PARD3B: variants seen among roughly 807,000 people sequenced by gnomAD.
PARD3B encodes par-3 family cell polarity regulator beta, also known as partitioning defective 3 homolog B.
A neutral mutation model predicts 130.2 loss-of-function variants in PARD3B; 103 were observed. The ratio of observed to expected loss-of-function variants is 0.79; its 90% confidence interval spans 0.67 to 0.93. PARD3B has a LOEUF of 0.93. Ranked by LOEUF, PARD3B falls within the 40% of genes least tolerant of loss-of-function variation. The pLI, the probability that PARD3B is intolerant of heterozygous loss-of-function variation, is 0.00. For missense variants in PARD3B, 1,609 were observed against 1,499.2 expected (o/e 1.07, Z -1.21); for synonymous variants, 583 against 553.2 (o/e 1.05, Z -0.76).
chr2:204,872,542 T>A (rs1306336311), intron 2 of PARD3B, among the ~76,000 whole-genome samples: 1 of 152,178 alleles, frequency 6.6e-6, no homozygotes, highest in Non-Finnish European at 1.5e-5. Flanking sequence ...TGCGGTTTTC[T>A]TGACTTGTTA....
At chr2:205,193,780 A>G (rs1921801) in intron 15 of PARD3B, among the ~76,000 whole-genome samples, 116,316 of 152,144 alleles carry the variant, frequency 0.76, 44,931 homozygotes, top group East Asian at 0.97. Flanking sequence ...TGATGGATAG[A>G]GATGGCATCA....
intron 19 of PARD3B, among the ~76,000 whole-genome samples, chr2:205,417,518 A>G (rs528415474): frequency 2.0e-4 from 31 of 152,168 alleles, no homozygotes; most frequent in Non-Finnish European, 1.5e-4. Flanking sequence ...GTCTTCCACA[A>G]TGGTTGAACT....
chr2:205,286,164 G>A (rs1391477636), intron 16 of PARD3B, among the ~76,000 whole-genome samples: 1 of 151,870 alleles, frequency 6.6e-6, no homozygotes, highest in East Asian at 1.9e-4. Flanking sequence ...CTTTTTTGGG[G>A]GAGTATTAGC....
intron 3 of PARD3B, among the ~76,000 whole-genome samples, chr2:204,985,386 A>AG (rs1477518140): frequency 6.6e-6 from 1 of 152,204 alleles, no homozygotes; most frequent in Non-Finnish European, 1.5e-5. Flanking sequence ...CCAATATCAA[A>AG]GGGGAGAATG....
At chr2:204,576,861 T>C (rs1474684507) in intron 1 of PARD3B, among the ~76,000 whole-genome samples, 1 of 152,148 alleles carries the variant, frequency 6.6e-6, no homozygotes, top group Non-Finnish European at 1.5e-5. Context: ...CAATATGGAA[T>C]ACAACCATAA....
At chr2:204,756,196 G>A (rs2040663451) in intron 2 of PARD3B, among the ~76,000 whole-genome samples, 2 of 152,194 alleles carry the variant, frequency 1.3e-5, no homozygotes, top group Middle Eastern at 6.8e-3. Context: ...GGTCACACAA[G>A]ATTACCTGAA....
chr2:205,531,883 C>T (rs893796073), intron 21 of PARD3B, among the ~76,000 whole-genome samples: 5 of 152,076 alleles, frequency 3.3e-5, no homozygotes, highest in South Asian at 2.1e-4. Flanking sequence ...GCACGCTCTC[C>T]GCAGAGTTAT....
At chr2:205,072,453 G>T (rs1014747296) in intron 4 of PARD3B, among the ~76,000 whole-genome samples, 1 of 152,020 alleles carries the variant, frequency 6.6e-6, no homozygotes, top group Non-Finnish European at 1.5e-5. Flanking sequence ...GTTTCACCAC[G>T]TTGGCCAGGC....
chr2:205,203,302 T>G (rs890689312), intron 15 of PARD3B, among the ~76,000 whole-genome samples: 6 of 152,144 alleles, frequency 3.9e-5, no homozygotes, highest in Admixed American at 3.3e-4. Context: ...TGGGCTCCTC[T>G]TAAAACTTGG....
At chr2:205,360,405 A>G (rs2044347121) in intron 18 of PARD3B, among the ~76,000 whole-genome samples, 1 of 150,508 alleles carries the variant, frequency 6.6e-6, no homozygotes, top group African/African-American at 2.4e-5. Context: ...TTGGGCTTTT[A>G]GGATCTTAAG....
intron 2 of PARD3B, among the ~76,000 whole-genome samples, chr2:204,791,858 A>G (rs533633097): frequency 6.6e-6 from 1 of 152,252 alleles, no homozygotes; most frequent in Non-Finnish European, 1.5e-5. Context: ...GATTTTCACT[A>G]TTTCTATTTG....
At chr2:205,264,940 G>A (rs2040448645) in intron 16 of PARD3B, among the ~76,000 whole-genome samples, 1 of 150,972 alleles carries the variant, frequency 6.6e-6, no homozygotes, top group African/African-American at 2.4e-5. Flanking sequence ...GGTGATTCCT[G>A]TTTATGTGAT....
chr2:204,600,981 G>A (rs924465939), intron 1 of PARD3B, among the ~76,000 whole-genome samples: 2 of 151,326 alleles, frequency 1.3e-5, no homozygotes. Context: ...GATTTTGTTT[G>A]TCAACCCATT....
At chr2:205,330,920 T>A (rs1447359501) in intron 18 of PARD3B, among the ~76,000 whole-genome samples, 1 of 152,162 alleles carries the variant, frequency 6.6e-6, no homozygotes, top group Admixed American at 6.5e-5. Context: ...TTGAGGGCCA[T>A]TCATGGGCAA....
intron 2 of PARD3B, among the ~76,000 whole-genome samples, chr2:204,838,349 ATGTG>A (rs55688873): frequency 0.034 from 4,570 of 135,312 alleles, 206 homozygotes; most frequent in African/African-American, 0.11. Flanking sequence ...TACCTGGCTA[ATGTG>A]TGTGTGTGTG....
At chr2:204,624,239 A>G (rs1171786476) in intron 1 of PARD3B, among the ~76,000 whole-genome samples, 1 of 152,308 alleles carries the variant, frequency 6.6e-6, no homozygotes, top group East Asian at 1.9e-4. Context: ...ACCTATGAAT[A>G]TGGCCAACAG....
intron 1 of PARD3B, among the ~76,000 whole-genome samples, chr2:204,672,690 C>T (rs193200837): frequency 3.5e-4 from 54 of 152,222 alleles, no homozygotes; most frequent in Middle Eastern, 6.8e-3. Flanking sequence ...AAATTTTTGA[C>T]GTGTGAAAAA....
At chr2:205,132,521 G>T (rs1008300677) in intron 10 of PARD3B, among the ~76,000 whole-genome samples, 1 of 151,972 alleles carries the variant, frequency 6.6e-6, no homozygotes, top group Non-Finnish European at 1.5e-5. Context: ...CTACTTATAG[G>T]TCATTTGCTT....
chr2:204,836,252 T>A (rs2044027258), intron 2 of PARD3B, among the ~76,000 whole-genome samples: 1 of 151,360 alleles, frequency 6.6e-6, no homozygotes, highest in Non-Finnish European at 1.5e-5. Flanking sequence ...ACAGGAGAAT[T>A]TTTTTTATCT....
Sources: allele counts gnomAD v4.1 joint callset (sites outside exome capture counted in the v4.1 genomes callset), GRCh38; gene constraint gnomAD v4.1.1; transcripts MANE v1.5; gene names NCBI Gene and HGNC (gene_info 2026-07-23, HGNC 2026-07-21).